LRRTM4: variants seen among roughly 807,000 people sequenced by gnomAD.
The protein encoded by LRRTM4 is leucine-rich repeat transmembrane neuronal protein 4.
Under a neutral mutation model 47.6 loss-of-function variants are expected in LRRTM4, and 25 were observed. The observed-to-expected ratio is 0.53, with a 90% CI of 0.38 to 0.73. The LOEUF (loss-of-function observed/expected upper bound fraction) is 0.73. Ranked by LOEUF, LRRTM4 falls within the 30% of genes least tolerant of loss-of-function variation. LRRTM4 has a pLI of 0.00. For synonymous variants in LRRTM4, 311 were observed against 269.5 expected, an observed-to-expected ratio of 1.15 and a Z score of -1.51; for missense variants, 638 against 713.4, an observed-to-expected ratio of 0.89 and a Z score of 1.20.
intron 3 of LRRTM4, among the ~76,000 whole-genome samples, chr2:77,355,180 T>C (rs557398228): frequency 1.3e-5 from 2 of 152,360 alleles, no homozygotes; most frequent in South Asian, 2.1e-4. Context: ...TTATACCATA[T>C]GTATATGTAG....
intron 3 of LRRTM4, among the ~76,000 whole-genome samples, chr2:77,167,888 C>T (rs756839165): frequency 6.6e-6 from 1 of 152,002 alleles, no homozygotes; most frequent in Non-Finnish European, 1.5e-5. Flanking sequence ...CAACATAGCA[C>T]ATGTATACAT....
At chr2:77,346,706 G>A (rs1671573676) in intron 3 of LRRTM4, among the ~76,000 whole-genome samples, 1 of 151,900 alleles carries the variant, frequency 6.6e-6, no homozygotes, top group Admixed American at 6.6e-5. Context: ...TTTTAACATT[G>A]TTTAATTCCA....
At chr2:77,454,650 A>G (rs1413871321) in intron 3 of LRRTM4, among the ~76,000 whole-genome samples, 1 of 152,212 alleles carries the variant, frequency 6.6e-6, no homozygotes, top group African/African-American at 2.4e-5. Flanking sequence ...ATAATCCAGT[A>G]AATGTCACAG....
intron 3 of LRRTM4, among the ~76,000 whole-genome samples, chr2:77,335,122 T>G (rs889887696): frequency 2.2e-4 from 33 of 152,164 alleles, no homozygotes; most frequent in African/African-American, 7.7e-4. Flanking sequence ...ATTTGGATGT[T>G]ATATCATATT....
chr2:77,074,419 A>C (rs1363888115), intron 3 of LRRTM4, among the ~76,000 whole-genome samples: 3 of 152,116 alleles, frequency 2.0e-5, no homozygotes, highest in Non-Finnish European at 4.4e-5. Flanking sequence ...TTTATCATTT[A>C]GGAATTAGTA....
chr2:76,788,310 A>AT (rs1674788132), intron 3 of LRRTM4, among the ~76,000 whole-genome samples: 1 of 152,232 alleles, frequency 6.6e-6, no homozygotes, highest in Non-Finnish European at 1.5e-5. Flanking sequence ...AAGGAGTCAC[A>AT]TAGTCACATT....
At position 76,748,257 on chromosome 2, in the gene LRRTM4, A is replaced by G. The variant is rs7609111; in HGVS notation, c.*438T>C. 0.51 allele frequency: 80,502 copies of G among 156,586 alleles called. 21,074 individuals carry two copies. The highest frequency in any genetic ancestry group is 0.57 in the African/African-American group (23,500 of 41,546). The allele number at this position is 156,586 out of a possible 1,614,324, so 9.7% of individuals were successfully genotyped here. A position where few individuals can be genotyped will look rare whatever the true frequency, so the allele number is the denominator to read the frequency against. Reference sequence around the variant, plus strand: ...AGCAATTTAAATAAAATCTGTGAGAATTACACACACCTAAAGAGGAAAACG... The same window carrying G: ...AGCAATTTAAATAAAATCTGTGAGAGTTACACACACCTAAAGAGGAAAACG... On this transcript the variant is annotated 3_prime_UTR_variant, in exon 4 of 4. Coordinates refer to ENST00000409884, the MANE Select transcript of LRRTM4 (RefSeq NM_001134745.3).
chr2:76,844,892 G>C (rs1218119229), intron 3 of LRRTM4, among the ~76,000 whole-genome samples: 1 of 151,888 alleles, frequency 6.6e-6, no homozygotes, highest in Admixed American at 6.6e-5. Flanking sequence ...TTTGAGAAAT[G>C]AAAAAAGGAT....
chr2:77,014,895 C>T (rs1475416802), intron 3 of LRRTM4, among the ~76,000 whole-genome samples: 1 of 151,878 alleles, frequency 6.6e-6, no homozygotes, highest in Non-Finnish European at 1.5e-5. Context: ...TCATTTTTTT[C>T]AAAGAGATTT....
At chr2:76,801,877 G>T (rs1242231708) in intron 3 of LRRTM4, among the ~76,000 whole-genome samples, 1 of 152,212 alleles carries the variant, frequency 6.6e-6, no homozygotes, top group East Asian at 1.9e-4. Flanking sequence ...AACACCATAA[G>T]ATCATCTCAA....
rs1027373890 is a variant in LRRTM4 at position 77,037,855 on chromosome 2, T to C, written c.1552-288939A>G. 2.0e-5 allele frequency among the ~76,000 whole-genome samples: 3 copies of C among 151,832 alleles called. No homozygotes were observed. The South Asian group carries it at 6.2e-4, about 31-fold the overall frequency. ...AATCTCACAATTTAAATTGGTTTCA[T>C]ATTAATGCACTTGGTAGGAAGTACA... On this transcript the variant is annotated intron_variant, in intron 3 of 3. Coordinates refer to ENST00000409884, the MANE Select transcript of LRRTM4 (RefSeq NM_001134745.3).
chr2:76,876,483 C>T lies in LRRTM4; in HGVS notation c.1552-127567G>A, dbSNP rs530021816. ...TATAAAACAAATTTAATTTTCTTTC[C>T]CCTTGGATAAAAATGTAAAAAAAGG... On this transcript the variant is annotated intron_variant, in intron 3 of 3. Coordinates refer to ENST00000409884, the MANE Select transcript of LRRTM4 (RefSeq NM_001134745.3). 1.6e-3 allele frequency among the ~76,000 whole-genome samples: 244 copies of T among 149,650 alleles called. 1 individual carries two copies. The highest frequency in any genetic ancestry group is 5.9e-3 in the African/African-American group (232 of 39,386).
chr2:77,092,633 TA>T (rs1423570526), intron 3 of LRRTM4, among the ~76,000 whole-genome samples: 1 of 145,528 alleles, frequency 6.9e-6, no homozygotes, highest in Non-Finnish European at 1.5e-5. Flanking sequence ...GTCAGAAAAC[TA>T]AAATACCTCT....
chr2:77,471,379 C>G (rs796436588), intron 3 of LRRTM4, among the ~76,000 whole-genome samples: 9 of 152,126 alleles, frequency 5.9e-5, no homozygotes, highest in Non-Finnish European at 1.0e-4. Context: ...TTATAATAAG[C>G]TCTGGAATAA....
chr2:76,990,799 C>A (rs78656927), intron 3 of LRRTM4, among the ~76,000 whole-genome samples: 111 of 151,728 alleles, frequency 7.3e-4, no homozygotes, highest in Non-Finnish European at 3.5e-4. Flanking sequence ...CCAATTGGAC[C>A]TAATAGACAC....
chr2:77,445,438 G>C (rs774868504), intron 3 of LRRTM4, among the ~76,000 whole-genome samples: 1 of 151,744 alleles, frequency 6.6e-6, no homozygotes, highest in Non-Finnish European at 1.5e-5. Context: ...CAAATGCCCA[G>C]CATATTTTGT....
chr2:76,901,667 C>A (rs116839954), intron 3 of LRRTM4, among the ~76,000 whole-genome samples: 8 of 152,170 alleles, frequency 5.3e-5, no homozygotes, highest in African/African-American at 1.9e-4. Flanking sequence ...TGACATGTTA[C>A]TGTCTGTAGA....
At chr2:77,103,692 A>G (rs1671021700) in intron 3 of LRRTM4, among the ~76,000 whole-genome samples, 1 of 147,558 alleles carries the variant, frequency 6.8e-6, no homozygotes, top group African/African-American at 2.5e-5. Context: ...ATGTATATAT[A>G]CATAGGCATA....
rs561923293 is a variant in LRRTM4, at chr2:76,883,356, A to T, written c.1552-134440T>A. On this transcript the variant is annotated intron_variant, in intron 3 of 3. Transcript: ENST00000409884. ...TATGCTTAACACATAGTAAATGCCC[A>T]ATTAATGTTTATTGAACCAAAAATG... 2.6e-5 allele frequency among the ~76,000 whole-genome samples: 4 copies of T among 152,244 alleles called. No homozygotes were observed. In the South Asian group the frequency reaches 8.3e-4, roughly 32 times the overall value.
Sources: allele counts gnomAD v4.1 joint callset (sites outside exome capture counted in the v4.1 genomes callset), GRCh38; gene constraint gnomAD v4.1.1; transcripts MANE v1.5; gene names NCBI Gene and HGNC (gene_info 2026-07-23, HGNC 2026-07-21).